Variants in UBN1 observed in about 807,000 individuals in gnomAD.
UBN1 encodes the protein ubinuclein 1.
UBN1 carries 17 observed loss-of-function variants against 108.5 expected under a neutral mutation model. That is an observed-to-expected ratio of 0.16 (90% CI 0.11 to 0.24). The LOEUF (loss-of-function observed/expected upper bound fraction) is 0.24, where lower values mean the gene tolerates loss of function less well. UBN1 is among the 10% of genes least tolerant of loss of function. UBN1 has a pLI of 1.00. For synonymous variants in UBN1, 726 were observed against 564.2 expected (o/e 1.29, Z -4.07); for missense variants, 1,595 against 1,394.4 (o/e 1.14, Z -2.29).
intron 3 of UBN1, 89 bp from the exon 4 acceptor site, chr16:4,858,479 C>T (rs887436088): frequency 7.5e-6 from 9 of 1,201,846 alleles, no homozygotes; most frequent in Middle Eastern, 1.9e-4. Context: ...TGCATTACCT[C>T]TTTGAGTCAT....
chr16:4,853,308 C>G, intron 2 of UBN1, 142 bp downstream of exon 2: 1 of 1,188,114 alleles, frequency 8.4e-7, no homozygotes, highest in Non-Finnish European at 1.2e-6. Context: ...AAGGCAAGCA[C>G]AAGATTTGCT....
intron 15 of UBN1, 52 bp from the exon 16 acceptor site, chr16:4,876,819 T>C: frequency 1.3e-6 from 2 of 1,527,884 alleles, no homozygotes; most frequent in Non-Finnish European, 1.8e-6. Context: ...TTGGTGTGAG[T>C]GAGCCACGAA....
At chr16:4,852,730 GA>G in intron 1 of UBN1, 148 bp from the exon 2 acceptor site, 1 of 835,752 alleles carries the variant, frequency 1.2e-6, no homozygotes, top group Non-Finnish European at 1.8e-6. Context: ...ATTTTAGGAT[GA>G]ATAAGCAGAA....
At position 4,858,077 on chromosome 16, in the gene UBN1, G is replaced by C; in HGVS notation, c.336+1G>C. The C allele has an allele frequency of 1.2e-6, 2 of 1,601,560 alleles. No homozygotes were observed. The highest frequency in any genetic ancestry group is 1.7e-5 in the Admixed American group (1 of 59,718). ...TGCCCGAAAATTTGAAGAAAAATACGTAAGATTTCTCTCTTGAATAACAAA... is the reference window on the plus strand; with the variant it reads ...TGCCCGAAAATTTGAAGAAAAATACCTAAGATTTCTCTCTTGAATAACAAA... On this transcript the variant is annotated splice_donor_variant, in intron 3 of 17. Transcript: ENST00000262376. LOFTEE classifies it high-confidence loss of function.
In UBN1 at chr16:4,877,333, C is replaced by A; in HGVS notation, c.3266-52C>A. On this transcript the variant is annotated intron_variant, in intron 16 of 17. Coordinates refer to ENST00000262376, the MANE Select transcript of UBN1 (RefSeq NM_001079514.3). The surrounding 1 kb of genome is among the most constrained non-coding windows in gnomAD (Gnocchi z 4.3). ...GGCTGCTGGAGCTGCTTTCCTGTTC[C>A]TGTCTTCAATGTGTGTGTTTTGTTC... The A allele has an allele frequency of 6.3e-7, 1 of 1,575,156 alleles. No individual in the cohort carries two copies. The highest frequency in any genetic ancestry group is 8.6e-7 in the Non-Finnish European group (1 of 1,156,386).
Position 4,869,995 on chromosome 16 carries a change from G to T in UBN1, c.1182-217G>T, listed in dbSNP as rs1024735649. Among the ~76,000 whole-genome samples the T allele has an allele frequency of 2.6e-5, 4 of 152,166 alleles. No individual in the cohort carries two copies. The East Asian group carries it at 7.7e-4, about 29-fold the overall frequency. On this transcript the variant is annotated intron_variant, in intron 8 of 17. Coordinates refer to ENST00000262376, the MANE Select transcript of UBN1 (RefSeq NM_001079514.3). ...CTGGTATTGTGACCTAAGAGCCTTG[G>T]CCCACATTACCTAGCCATGTTCATC...
chr16:4,872,988 C>G (rs1161881940), intron 13 of UBN1, 43 bp from the exon 14 acceptor site: 13 of 1,614,078 alleles, frequency 8.1e-6, no homozygotes, highest in South Asian at 6.6e-5. Context: ...TTGGTCTCCT[C>G]TGGATATTCT....
intron 1 of UBN1, among the ~76,000 whole-genome samples, chr16:4,850,623 A>T (rs997687959): frequency 2.6e-5 from 4 of 152,344 alleles, no homozygotes; most frequent in Non-Finnish European, 5.9e-5. Flanking sequence ...TTGCAGCGCC[A>T]GCCTGTTACA....
chr16:4,863,487 A>C (rs981591339), intron 7 of UBN1, among the ~76,000 whole-genome samples: 1 of 152,204 alleles, frequency 6.6e-6, no homozygotes, highest in Non-Finnish European at 1.5e-5. Context: ...TTGGATCCTT[A>C]ATAAGGGGTC....
rs372644230 is a variant in UBN1 at position 4,870,221 on chromosome 16, G to C, written c.1191G>C (p.Ala397=). ...GTGTTTTGTTCTTCAGCATAGAGGC[G>C]CAGACTCGGGAGCTGAGCAGTCAGG... ...DINGILLDIE[A]QTRELSSQVR... Residue 397 remains alanine (A), a synonymous_variant, in exon 9 of 18, where the codon GCG becomes GCC. Transcript: ENST00000262376. 3.1e-6 allele frequency: 5 copies of C among 1,614,236 alleles called. No homozygotes were observed. Among genetic ancestry groups the C allele is most frequent in the African/African-American group, 1.3e-5 (1 of 75,072 alleles).
rs563514975 is a variant in UBN1 at position 4,869,753 on chromosome 16, A to AT, written c.1182-452dup. Among the ~76,000 whole-genome samples, 341 of 152,002 alleles carry AT rather than the reference A, an allele frequency of 2.2e-3. 2 individuals are homozygous for AT. The highest frequency in any genetic ancestry group is 3.4e-3 in the Middle Eastern group (1 of 294). On this transcript the variant is annotated intron_variant, in intron 8 of 17. Coordinates refer to ENST00000262376, the MANE Select transcript of UBN1 (RefSeq NM_001079514.3). ...ACAGCTCAAGGCATTGAAGAGAAAT[A>AT]TTTTTTTGCTTATCTAGATGGAGAA...
intron 8 of UBN1, among the ~76,000 whole-genome samples, chr16:4,869,709 T>G (rs1876354): frequency 6.6e-6 from 1 of 152,012 alleles, no homozygotes; most frequent in African/African-American, 2.4e-5. Flanking sequence ...AGGAACCTGC[T>G]TGAGCGTGCC....
At chr16:4,853,473 G>C (rs12325140) in intron 2 of UBN1, among the ~76,000 whole-genome samples, 11,364 of 151,914 alleles carry the variant, frequency 0.075, 435 homozygotes, top group Non-Finnish European at 0.084. Flanking sequence ...TTTCATGCTG[G>C]ACATTTTCCT....
rs1193141131 is a variant in UBN1, at chr16:4,864,130, G to T, written c.1110+3028G>T. Among the ~76,000 whole-genome samples, 3 of 142,952 alleles carry T rather than the reference G, an allele frequency of 2.1e-5. No homozygotes were observed. In the Admixed American group the frequency reaches 2.2e-4, roughly 10 times the overall value. The allele number at this position is 142,952 out of a possible 152,430, so 93.8% of individuals were successfully genotyped here. A position where few individuals can be genotyped will look rare whatever the true frequency, so the allele number is the denominator to read the frequency against. The stretch of plus-strand genomic sequence containing the variant: ...GAGTCTGACTCCATCACCCAGGCTG[G>T]AGTGCAGTGGTGCAATCTCAGCTCA... On this transcript the variant is annotated intron_variant, in intron 7 of 17. Coordinates refer to ENST00000262376, the MANE Select transcript of UBN1 (RefSeq NM_001079514.3).
In UBN1 at chr16:4,877,148, C is replaced by G. The variant is rs116463626; in HGVS notation, c.3265+37C>G. The G allele has an allele frequency of 7.0e-4, 1,094 of 1,566,556 alleles. 9 individuals are homozygous for G. The African/African-American group carries it at 0.013, about 19-fold the overall frequency. On this transcript the variant is annotated intron_variant, in intron 16 of 17. Transcript: ENST00000262376. The surrounding 1 kb of genome is among the most constrained non-coding windows in gnomAD (Gnocchi z 4.3). ...TTTGCTGCCTCTGGTCACTCAGGAA[C>G]CTCTAGATTGTGGCCAGGGGTCCTG...
Position 4,875,397 on chromosome 16 carries a change from C to G in UBN1, c.2987C>G (p.Ser996Cys), listed in dbSNP as rs778969367. 3 of 1,613,916 alleles carry G rather than the reference C, an allele frequency of 1.9e-6. No individual in the cohort carries two copies. Among genetic ancestry groups the G allele is most frequent in the South Asian group, 2.2e-5 (2 of 91,076 alleles). Reference sequence around the variant, plus strand: ...CTGACCTCGCCGTCCCTAAAGCCCTCTGCAGTTAGTAGTGTGACATCGTCT... The same window carrying G: ...CTGACCTCGCCGTCCCTAAAGCCCTGTGCAGTTAGTAGTGTGACATCGTCT... ...KLLTSPSLKPSAVSSVTSSTS... is the reference protein window; with the variant it reads ...KLLTSPSLKPCAVSSVTSSTS... The change falls in exon 15 of 18, where the codon TCT (serine) becomes TGT (cysteine). Residue 996 changes from serine to cysteine, a missense_variant. Transcript: ENST00000262376.
At chr16:4,848,751 G>T (rs9935307) in intron 1 of UBN1, among the ~76,000 whole-genome samples, 8,906 of 152,258 alleles carry the variant, frequency 0.058, 871 homozygotes, top group African/African-American at 0.2. Flanking sequence ...ATAAGTTCCT[G>T]TTTAAAAATT....
Position 4,874,674 on chromosome 16 carries a change from C to A in UBN1, c.2264C>A (p.Pro755Gln). Residue 755 changes from proline to glutamine, a missense_variant, in exon 15 of 18, where the codon CCA (proline) becomes CAA (glutamine). Pro to Gln is a moderately conservative substitution (Grantham distance 76). Coordinates refer to ENST00000262376, the MANE Select transcript of UBN1 (RefSeq NM_001079514.3). ...GGGCAGTCCTCTCAGGAGAAAAAAC[C>A]AGAGAGTTCTGGCTACAAAGAGCTG... ...ALGQSSQEKK[P>Q]ESSGYKELSC... is the part of the protein sequence containing the mutation. 6.2e-7 allele frequency: 1 copy of A among 1,614,174 alleles called. No individual in the cohort carries two copies. Among genetic ancestry groups the A allele is most frequent in the South Asian group, 1.1e-5 (1 of 91,086 alleles).
chr16:4,870,703 T>C (rs895838098), intron 10 of UBN1, 69 bp downstream of exon 10: 3 of 1,588,642 alleles, frequency 1.9e-6, no homozygotes, highest in Non-Finnish European at 2.6e-6. Flanking sequence ...TTTCTCGGTG[T>C]GTACTGCCGT....
Sources: gnomAD v4.1 joint callset for allele counts (sites outside exome capture counted in the v4.1 genomes callset) on GRCh38, gnomAD v4.1.1 for gene constraint, Gnocchi (gnomAD v3.1) non-coding constraint, MANE v1.5 for transcripts, NCBI Gene and HGNC (gene_info 2026-07-23, HGNC 2026-07-21) for gene names.